Variants in CADPS2 observed in about 807,000 individuals in gnomAD.
The protein encoded by CADPS2 is calcium-dependent secretion activator 2.
CADPS2 carries 93 observed loss-of-function variants against 172.5 expected under a neutral mutation model. That is an observed-to-expected ratio of 0.54 (90% CI 0.46 to 0.64). The LOEUF (loss-of-function observed/expected upper bound fraction) is 0.64, where lower values mean the gene tolerates loss of function less well. CADPS2 is among the 30% of genes least tolerant of loss of function. The probability of loss-of-function intolerance (pLI) is 0.00; values close to 1 mark genes in which losing one functional copy is unlikely to be tolerated. For missense variants in CADPS2, 1,420 were observed against 1,565.9 expected (o/e 0.91, Z 1.57); for synonymous variants, 546 against 555.2 (o/e 0.98, Z 0.23).
chr7:122,626,685 A>G (rs2076122886), intron 4 of CADPS2, among the ~76,000 whole-genome samples: 2 of 152,182 alleles, frequency 1.3e-5, no homozygotes, highest in Non-Finnish European at 2.9e-5. Context: ...GCCTGGCAGA[A>G]ATATTTTTGT....
intron 9 of CADPS2, among the ~76,000 whole-genome samples, chr7:122,503,995 T>C (rs1357658246): frequency 6.6e-6 from 1 of 152,172 alleles, no homozygotes; most frequent in Non-Finnish European, 1.5e-5. Flanking sequence ...GACAACCATA[T>C]TAAGGTATTT....
At chr7:122,849,884 T>A in intron 1 of CADPS2, 1 of 579,164 alleles carries the variant, frequency 1.7e-6, no homozygotes, top group Non-Finnish European at 3.3e-6. Flanking sequence ...GGCCTCAGCT[T>A]TGGCCCCAGC....
intron 1 of CADPS2, among the ~76,000 whole-genome samples, chr7:122,814,700 T>A (rs544379933): frequency 6.6e-6 from 1 of 152,132 alleles, no homozygotes; most frequent in Non-Finnish European, 1.5e-5. Flanking sequence ...ATATTTACCA[T>A]GTGGCCCTTT....
At position 122,848,110 on chromosome 7, in the gene CADPS2, C is replaced by A. The variant is rs529282728; in HGVS notation, c.339+37889G>T. On this transcript the variant is annotated intron_variant, in intron 1 of 29. Coordinates refer to ENST00000449022, the MANE Select transcript of CADPS2 (RefSeq NM_017954.11). ...GCAATATTTTGCCTATAGCTAATGT[C>A]TTAATCTTATTAGAATACTCAACAT... 3.9e-5 allele frequency among the ~76,000 whole-genome samples: 6 copies of A among 152,280 alleles called. No homozygotes were observed. In the South Asian group the frequency reaches 8.3e-4, roughly 21 times the overall value.
At chr7:122,592,474 C>T (rs556065373) in intron 6 of CADPS2, among the ~76,000 whole-genome samples, 1 of 151,882 alleles carries the variant, frequency 6.6e-6, no homozygotes, top group Non-Finnish European at 1.5e-5. Context: ...TTGACCCAGC[C>T]ATCCCATTAC....
rs527662123 is a variant in CADPS2, at chr7:122,393,939, A to G, written c.2747-357T>C. 4.7e-4 allele frequency among the ~76,000 whole-genome samples: 71 copies of G among 152,330 alleles called. 1 individual carries two copies. In the South Asian group the frequency reaches 6.4e-3, roughly 14 times the overall value. ...TGAAGGTCCTGACACATGTAAATAC[A>G]GCAATTAAGCAGAGTTACAATCTCT... is the stretch of plus-strand genomic sequence containing the variant. On this transcript the variant is annotated intron_variant, in intron 20 of 29. Transcript: ENST00000449022.
intron 11 of CADPS2, among the ~76,000 whole-genome samples, chr7:122,481,594 G>C (rs1445818872): frequency 1.3e-5 from 2 of 151,912 alleles, no homozygotes; most frequent in East Asian, 3.9e-4. Flanking sequence ...ACAAAAATTA[G>C]GCAGGTGTGG....
At chr7:122,361,038 T>A in intron 25 of CADPS2, 25 bp from the exon 26 acceptor site, 1 of 1,570,212 alleles carries the variant, frequency 6.4e-7, no homozygotes. Context: ...TAGTGAGTAT[T>A]TAGAATGTTA....
intron 3 of CADPS2, among the ~76,000 whole-genome samples, chr7:122,639,516 A>T (rs975769640): frequency 2.6e-5 from 4 of 152,078 alleles, no homozygotes; most frequent in African/African-American, 9.7e-5. Context: ...CCTCAGTTTT[A>T]TGTGTGCTCC....
intron 4 of CADPS2, 136 bp downstream of exon 4, chr7:122,629,112 G>A (rs1353453041): frequency 1.5e-5 from 8 of 534,170 alleles, no homozygotes; most frequent in Non-Finnish European, 2.6e-5. Context: ...GGGATTAAGA[G>A]GTCTATGTGT....
intron 1 of CADPS2, among the ~76,000 whole-genome samples, chr7:122,832,701 A>T (rs534469359): frequency 6.6e-6 from 1 of 152,368 alleles, no homozygotes; most frequent in African/African-American, 2.4e-5. Context: ...AATGCTGGTT[A>T]CAAATATAAA....
intron 3 of CADPS2, among the ~76,000 whole-genome samples, chr7:122,650,400 A>C (rs935270477): frequency 6.6e-6 from 1 of 152,086 alleles, no homozygotes; most frequent in Non-Finnish European, 1.5e-5. Flanking sequence ...ACTTCAGCAA[A>C]AACACTTTCT....
Position 122,722,047 on chromosome 7 carries a change from G to C in CADPS2, c.453+14908C>G, listed in dbSNP as rs185506012. On this transcript the variant is annotated intron_variant, in intron 2 of 29. Transcript: ENST00000449022. ...GGTATCGATGGGACATATCTCAAAA[G>C]AATAAGAGCTATCTATGACAAACCC... 6.6e-4 allele frequency among the ~76,000 whole-genome samples: 100 copies of C among 152,064 alleles called. 2 individuals are homozygous for C. The East Asian group carries it at 0.015, about 22-fold the overall frequency.
At chr7:122,528,374 G>A (rs1296077203) in intron 8 of CADPS2, among the ~76,000 whole-genome samples, 2 of 152,066 alleles carry the variant, frequency 1.3e-5, no homozygotes, top group African/African-American at 2.4e-5. Context: ...TTAGATAAAA[G>A]CAATGTTTCT....
At chr7:122,448,703 A>C (rs1414581719) in intron 15 of CADPS2, among the ~76,000 whole-genome samples, 1 of 152,114 alleles carries the variant, frequency 6.6e-6, no homozygotes, top group Non-Finnish European at 1.5e-5. Context: ...TCAGTGACTG[A>C]TTGAGGCATC....
intron 17 of CADPS2, among the ~76,000 whole-genome samples, chr7:122,428,712 G>A (rs553865081): frequency 3.0e-4 from 46 of 151,938 alleles, no homozygotes; most frequent in African/African-American, 1.0e-3. Context: ...CAGGTGATCC[G>A]CCCACCTTGG....
chr7:122,556,818 C>T (rs73433754), intron 7 of CADPS2, among the ~76,000 whole-genome samples: 1 of 152,150 alleles, frequency 6.6e-6, no homozygotes, highest in South Asian at 2.1e-4. Flanking sequence ...GAGCTCAGTT[C>T]CTCTTCAATA....
intron 6 of CADPS2, among the ~76,000 whole-genome samples, chr7:122,597,101 A>AG (rs1230723978): frequency 6.6e-6 from 1 of 152,096 alleles, no homozygotes; most frequent in Non-Finnish European, 1.5e-5. Context: ...GCCATTCATG[A>AG]GGGATCTGCC....
chr7:122,355,205 T>C (rs74953678), intron 27 of CADPS2, among the ~76,000 whole-genome samples: 16,905 of 152,276 alleles, frequency 0.11, 1,199 homozygotes, highest in Non-Finnish European at 0.15. Context: ...TCTAGGAACA[T>C]GAATTCCTCC....
Sources: gnomAD v4.1 joint callset for allele counts (sites outside exome capture counted in the v4.1 genomes callset) on GRCh38, gnomAD v4.1.1 for gene constraint, MANE v1.5 for transcripts, NCBI Gene and HGNC (gene_info 2026-07-23, HGNC 2026-07-21) for gene names.